The following APBB2 variants were observed in gnomAD, a reference collection of about 807,000 sequenced individuals.
APBB2 encodes the protein Fe65-like 1.
In APBB2, 38 loss-of-function variants were observed where a neutral mutation model predicts 82.5. The observed-to-expected ratio is 0.46, with a 90% CI of 0.36 to 0.60. APBB2 has a LOEUF of 0.60. Among genes scored for constraint, APBB2 ranks in the 20% least tolerant of loss-of-function variants. The probability of loss-of-function intolerance (pLI) is 0.00; values close to 1 mark genes in which losing one functional copy is unlikely to be tolerated. For missense variants in APBB2, 772 were observed against 972.3 expected, an observed-to-expected ratio of 0.79 and a Z score of 2.74; for synonymous variants, 341 against 368.2, an observed-to-expected ratio of 0.93 and a Z score of 0.85.
intron 13 of APBB2, 63 bp downstream of exon 13, chr4:40,830,400 A>G: frequency 8.5e-7 from 1 of 1,183,408 alleles, no homozygotes; most frequent in Non-Finnish European, 1.3e-6. Flanking sequence ...CCGCCCTTCC[A>G]CATCCTTTTA....
At chr4:40,955,458 A>G (rs779601605) in intron 6 of APBB2, among the ~76,000 whole-genome samples, 14 of 152,256 alleles carry the variant, frequency 9.2e-5, no homozygotes, top group Admixed American at 6.5e-4. Context: ...TGTATTTTGA[A>G]AAGATCAGAG....
chr4:41,106,700 T>C (rs1747382394), intron 2 of APBB2, among the ~76,000 whole-genome samples: 1 of 152,060 alleles, frequency 6.6e-6, no homozygotes, highest in Non-Finnish European at 1.5e-5. Context: ...ATGGTCTCGA[T>C]CTCCTGACCT....
intron 1 of APBB2, among the ~76,000 whole-genome samples, chr4:41,211,079 A>G (rs1265447905): frequency 1.3e-5 from 2 of 152,086 alleles, no homozygotes; most frequent in Non-Finnish European, 2.9e-5. Context: ...ACATGGTGAA[A>G]CCCCATTTCT....
At chr4:40,964,753 A>AACACACACAC (rs61087697) in intron 6 of APBB2, among the ~76,000 whole-genome samples, 6,698 of 139,724 alleles carry the variant, frequency 0.048, 532 homozygotes, top group African/African-American at 0.17. Context: ...CCATTGAATA[A>AACACACACAC]ACACACACAC....
chr4:41,104,141 G>C (rs542218189), intron 2 of APBB2, among the ~76,000 whole-genome samples: 1 of 152,306 alleles, frequency 6.6e-6, no homozygotes, highest in Non-Finnish European at 1.5e-5. Flanking sequence ...AATACAAAGA[G>C]GGATGCATTT....
chr4:41,211,845 T>C (rs570684789), intron 1 of APBB2, among the ~76,000 whole-genome samples: 2 of 152,330 alleles, frequency 1.3e-5, no homozygotes, highest in East Asian at 3.9e-4. Context: ...CCATTTTTCT[T>C]ATTTTTTCCT....
chr4:41,099,076 G>C (rs759299625), intron 3 of APBB2, among the ~76,000 whole-genome samples: 1 of 150,882 alleles, frequency 6.6e-6, no homozygotes, highest in Non-Finnish European at 1.5e-5. Flanking sequence ...ATATTTCACT[G>C]TAACAAAAAA....
chr4:41,022,530 C>A (rs554351183), intron 5 of APBB2, among the ~76,000 whole-genome samples: 3 of 152,214 alleles, frequency 2.0e-5, no homozygotes, highest in African/African-American at 7.2e-5. Flanking sequence ...GATGTCACCG[C>A]TTTATGAAGC....
chr4:41,060,284 G>T (rs1387605515), intron 4 of APBB2, among the ~76,000 whole-genome samples: 1 of 152,190 alleles, frequency 6.6e-6, no homozygotes, highest in African/African-American at 2.4e-5. Flanking sequence ...AAGCTAAAGA[G>T]AACCATGTGT....
intron 6 of APBB2, among the ~76,000 whole-genome samples, chr4:41,010,053 A>C (rs927629538): frequency 1.3e-5 from 2 of 152,216 alleles, no homozygotes; most frequent in African/African-American, 4.8e-5. Flanking sequence ...AGTGTGATTA[A>C]AGCAAAGTGA....
At chr4:40,937,874 A>G (rs1487434574) in intron 7 of APBB2, among the ~76,000 whole-genome samples, 1 of 152,254 alleles carries the variant, frequency 6.6e-6, no homozygotes. Context: ...TTGGCTAATA[A>G]GTTTTGCTAA....
intron 10 of APBB2, among the ~76,000 whole-genome samples, chr4:40,930,517 T>C (rs1469521247): frequency 6.6e-6 from 1 of 150,460 alleles, no homozygotes; most frequent in South Asian, 2.1e-4. Flanking sequence ...TGTGTTGCCA[T>C]TGCTATTTAG....
chr4:40,955,610 T>C (rs1182080289), intron 6 of APBB2, among the ~76,000 whole-genome samples: 5 of 152,188 alleles, frequency 3.3e-5, no homozygotes, highest in African/African-American at 1.2e-4. Context: ...TATTTGAATT[T>C]AGCCTTAAAA....
chr4:40,854,790 C>CAAAAAAAAAAAAAAAAAAAA (rs80240731), intron 12 of APBB2, among the ~76,000 whole-genome samples: 5 of 124,820 alleles, frequency 4.0e-5, no homozygotes, highest in African/African-American at 6.3e-5. Context: ...AGTCCATCTC[C>CAAAAAAAAAAAAAAAAAAAA]AAAAAAAAAA....
chr4:40,977,742 C>G (rs1320795149), intron 6 of APBB2, among the ~76,000 whole-genome samples: 1 of 152,138 alleles, frequency 6.6e-6, no homozygotes, highest in Non-Finnish European at 1.5e-5. Context: ...ACCTGATTCC[C>G]AAGAGGTCCG....
chr4:40,872,526 C>T (rs1044878503), intron 12 of APBB2, among the ~76,000 whole-genome samples: 1 of 152,152 alleles, frequency 6.6e-6, no homozygotes, highest in Non-Finnish European at 1.5e-5. Context: ...AGAACCATGG[C>T]GTTCTCATTC....
At chr4:40,979,345 T>C (rs1797937897) in intron 6 of APBB2, among the ~76,000 whole-genome samples, 1 of 152,194 alleles carries the variant, frequency 6.6e-6, no homozygotes, top group Admixed American at 6.5e-5. Context: ...CTGATGCACA[T>C]GCTCTGAACA....
At chr4:41,085,590 T>C (rs987110228) in intron 3 of APBB2, among the ~76,000 whole-genome samples, 1 of 152,140 alleles carries the variant, frequency 6.6e-6, no homozygotes, top group African/African-American at 2.4e-5. Flanking sequence ...TCATGGACAC[T>C]ACCTTAACTA....
At chr4:41,006,533 G>A (rs781569893) in intron 6 of APBB2, among the ~76,000 whole-genome samples, 6 of 151,062 alleles carry the variant, frequency 4.0e-5, no homozygotes, top group Non-Finnish European at 5.9e-5. Context: ...GTGTGATCTC[G>A]GCTCACTGCA....
Sources: allele counts gnomAD v4.1 joint callset (sites outside exome capture counted in the v4.1 genomes callset), GRCh38; gene constraint gnomAD v4.1.1; transcripts MANE v1.5; gene names NCBI Gene and HGNC (gene_info 2026-07-23, HGNC 2026-07-21).